Variants in GASK1A observed in about 807,000 individuals in gnomAD.
The protein encoded by GASK1A is golgi associated kinase 1A.
GASK1A carries 40 observed loss-of-function variants against 41.2 expected under a neutral mutation model. The ratio of observed to expected loss-of-function variants is 0.97; its 90% confidence interval spans 0.75 to 1.27. The LOEUF (loss-of-function observed/expected upper bound fraction) is 1.27. GASK1A is among the 50% of genes most tolerant of loss of function. The probability of loss-of-function intolerance (pLI) is 0.00; values close to 1 mark genes in which losing one functional copy is unlikely to be tolerated. For missense variants in GASK1A, 678 were observed against 745.1 expected (o/e 0.91, Z 1.05); for synonymous variants, 316 against 307.1 (o/e 1.03, Z -0.30).
chr3:43,053,677 C>G (rs2089702916), intron 3 of GASK1A, 34 bp downstream of exon 3: 2 of 1,551,194 alleles, frequency 1.3e-6, no homozygotes, highest in Admixed American at 3.9e-5. Flanking sequence ...CTTGTCACCC[C>G]AGACCCAGGT....
At chr3:43,006,160 A>G (rs761449077) in intron 1 of GASK1A, among the ~76,000 whole-genome samples, 7 of 152,012 alleles carry the variant, frequency 4.6e-5, no homozygotes, top group Admixed American at 6.6e-5. Context: ...TTTCTTTGGA[A>G]ACCCCCTGCC....
chr3:43,027,354 G>A (rs968024735), intron 1 of GASK1A, among the ~76,000 whole-genome samples: 4 of 152,170 alleles, frequency 2.6e-5, no homozygotes, highest in African/African-American at 7.2e-5. Context: ...GTACCAATGC[G>A]TATGACACAA....
At chr3:43,011,331 G>A (rs1369602582) in intron 1 of GASK1A, among the ~76,000 whole-genome samples, 3 of 149,020 alleles carry the variant, frequency 2.0e-5, no homozygotes. Flanking sequence ...GCAGTGAGCC[G>A]AGGTCGCACC....
intron 2 of GASK1A, among the ~76,000 whole-genome samples, chr3:43,040,630 G>A (rs1312840978): frequency 6.6e-6 from 1 of 152,000 alleles, no homozygotes; most frequent in Non-Finnish European, 1.5e-5. Flanking sequence ...GCATTTTGAT[G>A]TTTTCTTCAG....
chr3:43,055,720 GC>G, intron 4 of GASK1A, 185 bp downstream of exon 4: 1 of 581,480 alleles, frequency 1.7e-6, no homozygotes, highest in Non-Finnish European at 3.1e-6. Flanking sequence ...AGTTGGCAGG[GC>G]CTACCCCAAT....
intron 2 of GASK1A, among the ~76,000 whole-genome samples, chr3:43,047,699 T>C (rs1384901546): frequency 6.6e-6 from 1 of 152,150 alleles, no homozygotes; most frequent in African/African-American, 2.4e-5. Context: ...CAAGGAAACA[T>C]ATTCCCACAG....
intron 2 of GASK1A, among the ~76,000 whole-genome samples, chr3:43,041,474 A>G (rs1395183662): frequency 6.6e-6 from 1 of 152,220 alleles, no homozygotes; most frequent in Non-Finnish European, 1.5e-5. Context: ...TCTGATGGCC[A>G]GTGATGGTGA....
chr3:43,032,412 A>AG lies in GASK1A; in HGVS notation c.154dup (p.Val52GlyfsTer42). ...CCAGACCCTGGTCCCATGGAGCCTC[A>AG]GGGGGTAACTGGCGCCCCTGCAACC... is the stretch of plus-strand genomic sequence containing the variant. On this transcript the variant is annotated frameshift_variant, in exon 2 of 5. Coordinates refer to ENST00000430121, the MANE Select transcript of GASK1A (RefSeq NM_001129908.3). LOFTEE classifies it high-confidence loss of function. 3 of 1,551,360 alleles carry AG rather than the reference A, an allele frequency of 1.9e-6. No individual in the cohort carries two copies. The highest frequency in any genetic ancestry group is 2.6e-6 in the Non-Finnish European group (3 of 1,146,744).
chr3:43,019,456 GCAGGGTTGCCTGCTGAGT>G (rs2089510595), intron 1 of GASK1A, among the ~76,000 whole-genome samples: 1 of 152,210 alleles, frequency 6.6e-6, no homozygotes, highest in African/African-American at 2.4e-5. Flanking sequence ...ATCAAGGAAA[GCAGGGTTGCCTGCTGAGT>G]TCCTCCTAGG....
rs2089585046 is a variant in GASK1A at position 43,032,911 on chromosome 3, A to G, written c.648A>G (p.Gln216=). 6.4e-7 allele frequency: 1 copy of G among 1,550,980 alleles called. No individual in the cohort carries two copies. The highest frequency in any genetic ancestry group is 1.2e-5 in the South Asian group (1 of 84,040). ...AENRALTGGQ[Q]AEDPTLASGA... The stretch of plus-strand genomic sequence containing the variant: ...ACAGAGCCTTGACTGGTGGGCAACA[A>G]GCAGAGGATCCCACCTTGGCCTCAG... The change falls in exon 2 of 5, where the codon CAA becomes CAG. Residue 216 remains glutamine (Q), a synonymous_variant. Transcript: ENST00000430121.
chr3:42,997,711 C>T (rs952419268), intron 1 of GASK1A, among the ~76,000 whole-genome samples: 18 of 152,176 alleles, frequency 1.2e-4, no homozygotes, highest in Admixed American at 5.9e-4. Flanking sequence ...ACAGTTATCT[C>T]ATTTAATTAG....
chr3:43,025,521 TG>T (rs2089542646), intron 1 of GASK1A, among the ~76,000 whole-genome samples: 1 of 152,198 alleles, frequency 6.6e-6, no homozygotes, highest in South Asian at 2.1e-4. Context: ...CTGGGATAGG[TG>T]GATCACCTCA....
chr3:43,033,055 C>T lies in GASK1A; in HGVS notation c.792C>T (p.His264=), dbSNP rs1025658493. The change falls in exon 2 of 5, where the codon CAC becomes CAT. Residue 264 remains histidine, a synonymous_variant. Transcript: ENST00000430121. The part of the protein sequence containing the change: ...GGQAPPWLTD[H]DVQMLRLLAQ... ...AGGCTCCCCCATGGCTGACAGACCA[C>T]GATGTGCAGATGCTCCGTCTGTTGG... 29 of 1,551,580 alleles carry T rather than the reference C, an allele frequency of 1.9e-5. No homozygotes were observed. Among genetic ancestry groups the T allele is most frequent in the African/African-American group, 6.8e-5 (5 of 73,034 alleles).
At chr3:42,981,970 A>G (rs1424624268) in intron 1 of GASK1A, among the ~76,000 whole-genome samples, 1 of 152,142 alleles carries the variant, frequency 6.6e-6, no homozygotes, top group Non-Finnish European at 1.5e-5. Flanking sequence ...ATGCCATCCT[A>G]TTATTGATCC....
chr3:43,032,570 A>C lies in GASK1A; in HGVS notation c.307A>C (p.Arg103=). ...EEQGHRARVD[R]SRESPGGDLR... is the part of the protein sequence containing the mutation. ...GCAAGGCCATAGAGCAAGAGTGGAC[A>C]GAAGCAGGGAGTCCCCAGGAGGGGA... Residue 103 remains arginine (R), a synonymous_variant, in exon 2 of 5, where the codon AGA becomes CGA. Transcript: ENST00000430121. 6.4e-7 allele frequency: 1 copy of C among 1,550,962 alleles called. No homozygotes were observed. The highest frequency in any genetic ancestry group is 8.7e-7 in the Non-Finnish European group (1 of 1,146,344).
intron 1 of GASK1A, among the ~76,000 whole-genome samples, chr3:43,017,164 G>A (rs1319395958): frequency 6.6e-6 from 1 of 151,748 alleles, no homozygotes; most frequent in Non-Finnish European, 1.5e-5. Flanking sequence ...GCAGTGTGAA[G>A]TCACAGGAAG....
chr3:43,045,529 A>G (rs1407953503), intron 2 of GASK1A, among the ~76,000 whole-genome samples: 1 of 152,220 alleles, frequency 6.6e-6, no homozygotes, highest in African/African-American at 2.4e-5. Flanking sequence ...CAGAGACTGT[A>G]TGGCATCCAA....
At chr3:43,039,394 G>A (rs947703538) in intron 2 of GASK1A, among the ~76,000 whole-genome samples, 1 of 151,962 alleles carries the variant, frequency 6.6e-6, no homozygotes, top group African/African-American at 2.4e-5. Context: ...GTAGAGACAC[G>A]GTTTTGCCAT....
chr3:42,979,722 C>T (rs1470154651), intron 1 of GASK1A, 77 bp downstream of exon 1: 28 of 1,230,012 alleles, frequency 2.3e-5, no homozygotes, highest in Non-Finnish European at 2.8e-5. Flanking sequence ...CAACGCGCAG[C>T]GGCCCAGGGC....
Sources: gnomAD v4.1 joint callset for allele counts (sites outside exome capture counted in the v4.1 genomes callset) on GRCh38, gnomAD v4.1.1 for gene constraint, MANE v1.5 for transcripts, NCBI Gene and HGNC (gene_info 2026-07-23, HGNC 2026-07-21) for gene names.